INSR: variants seen among roughly 807,000 people sequenced by gnomAD.
INSR encodes IR.
A neutral mutation model predicts 142.6 loss-of-function variants in INSR; 67 were observed. The observed-to-expected ratio is 0.47, with a 90% CI of 0.39 to 0.58. INSR has a LOEUF of 0.58. INSR is among the 20% of genes least tolerant of loss of function. The probability of loss-of-function intolerance (pLI) is 0.00; values close to 1 mark genes in which losing one functional copy is unlikely to be tolerated. For synonymous variants in INSR, 756 were observed against 743.1 expected, an observed-to-expected ratio of 1.02 and a Z score of -0.28; for missense variants, 1,248 against 1,833.2, an observed-to-expected ratio of 0.68 and a Z score of 5.83.
At position 7,146,236 on chromosome 19, in the gene INSR, C is replaced by CTTTTT. The variant is rs35961932; in HGVS notation, c.2268-3151_2268-3147dup. On this transcript the variant is annotated intron_variant, in intron 11 of 21. Coordinates refer to ENST00000302850, the MANE Select transcript of INSR (RefSeq NM_000208.4). ...TTCAGTGCAGTATCTTTGTCAAGTT[C>CTTTTT]TTTTTTTTTTTTTTTTTTTTTTGAG... Among the ~76,000 whole-genome samples the CTTTTT allele has an allele frequency of 6.0e-4, 66 of 110,692 alleles. 1 individual carries two copies. Among genetic ancestry groups the CTTTTT allele is most frequent in the African/African-American group, 1.9e-3 (54 of 28,804 alleles). The allele number at this position is 110,692 out of a possible 152,430, so 72.6% of individuals were successfully genotyped here.
intron 2 of INSR, among the ~76,000 whole-genome samples, chr19:7,237,584 G>T (rs987696852): frequency 1.3e-5 from 2 of 152,070 alleles, no homozygotes; most frequent in Non-Finnish European, 2.9e-5. Context: ...GGAAGGCCGA[G>T]GCGGGTGGAT....
chr19:7,195,913 ACTTT>A (rs201790852), intron 2 of INSR, among the ~76,000 whole-genome samples: 5 of 143,936 alleles, frequency 3.5e-5, no homozygotes, highest in East Asian at 4.2e-4. Flanking sequence ...ATGTAAGAGA[ACTTT>A]CTTTCTTTTC....
intron 7 of INSR, among the ~76,000 whole-genome samples, chr19:7,167,611 T>C (rs768212354): frequency 6.1e-5 from 9 of 146,674 alleles, no homozygotes; most frequent in Non-Finnish European, 1.0e-4. Flanking sequence ...AAAAGAAAAA[T>C]AGATAAGCAA....
intron 3 of INSR, among the ~76,000 whole-genome samples, chr19:7,181,566 T>C (rs1974275948): frequency 6.6e-6 from 1 of 151,634 alleles, no homozygotes. Flanking sequence ...AGACCTTTTT[T>C]TTTTTTTTTT....
intron 9 of INSR, among the ~76,000 whole-genome samples, chr19:7,154,200 G>C (rs975624557): frequency 6.6e-6 from 1 of 150,836 alleles, no homozygotes; most frequent in Non-Finnish European, 1.5e-5. Context: ...TCTGTATCTA[G>C]AGTGTCATCT....
At chr19:7,257,475 G>A (rs1441164538) in intron 2 of INSR, among the ~76,000 whole-genome samples, 1 of 150,624 alleles carries the variant, frequency 6.6e-6, no homozygotes, top group Non-Finnish European at 1.5e-5. Context: ...AGGGTGGAGT[G>A]GGGGCCTTGC....
Position 7,294,006 on chromosome 19 carries a change from C to A in INSR, c.-115G>T. On this transcript the variant is annotated 5_prime_UTR_variant, in exon 1 of 22. Transcript: ENST00000302850. ...GGGGGCCGCGCGTCCTTCTCTTCCA[C>A]GCCCGCGACCCGCGGGCCGCAGCCC... 2.8e-6 allele frequency: 3 copies of A among 1,064,040 alleles called. No individual in the cohort carries two copies. Among genetic ancestry groups the A allele is most frequent in the Non-Finnish European group, 3.4e-6 (3 of 869,950 alleles). The allele number at this position is 1,064,040 out of a possible 1,614,324, so 65.9% of individuals were successfully genotyped here.
intron 2 of INSR, among the ~76,000 whole-genome samples, chr19:7,251,284 G>C (rs1352792553): frequency 6.6e-6 from 1 of 152,028 alleles, no homozygotes; most frequent in Non-Finnish European, 1.5e-5. Context: ...TTGAGCCAGG[G>C]TCTTGCTCTG....
intron 9 of INSR, among the ~76,000 whole-genome samples, chr19:7,156,783 T>G (rs1384898836): frequency 9.7e-4 from 3 of 3,092 alleles, no homozygotes; most frequent in Non-Finnish European, 2.7e-3. Context: ...TATTTCTCTC[T>G]TTTTTTTTTT....
intron 3 of INSR, among the ~76,000 whole-genome samples, chr19:7,182,921 A>C (rs555548660): frequency 5.7e-4 from 87 of 152,108 alleles, no homozygotes; most frequent in Middle Eastern, 3.4e-3. Context: ...AAAAAAAAAA[A>C]AAAACCTAAA....
intron 2 of INSR, among the ~76,000 whole-genome samples, chr19:7,186,583 C>A (rs746231901): frequency 1.3e-5 from 2 of 152,144 alleles, no homozygotes; most frequent in Non-Finnish European, 2.9e-5. Flanking sequence ...CCATCACCAC[C>A]ACCCATCTCC....
intron 4 of INSR, among the ~76,000 whole-genome samples, chr19:7,174,291 C>CTAAAAA (rs56082163): frequency 5.3e-5 from 8 of 149,964 alleles, no homozygotes; most frequent in East Asian, 3.9e-4. Flanking sequence ...GACCCCATCT[C>CTAAAAA]TAAAAATAAA....
intron 4 of INSR, among the ~76,000 whole-genome samples, chr19:7,174,364 G>A (rs1188906109): frequency 2.0e-5 from 3 of 152,116 alleles, no homozygotes; most frequent in South Asian, 4.1e-4. Context: ...AGTAGAAAAT[G>A]AGAATCTCAA....
chr19:7,213,341 C>CAAAAA (rs11343255), intron 2 of INSR, among the ~76,000 whole-genome samples: 9 of 100,614 alleles, frequency 8.9e-5, no homozygotes, highest in South Asian at 3.4e-4. Flanking sequence ...GACTCCATCT[C>CAAAAA]AAAAAAAAAA....
chr19:7,265,408 G>C (rs1967691831), intron 2 of INSR, among the ~76,000 whole-genome samples: 1 of 152,140 alleles, frequency 6.6e-6, no homozygotes, highest in African/African-American at 2.4e-5. Flanking sequence ...CACACAAACA[G>C]ATCTCAAGTA....
At chr19:7,151,156 T>TTC (rs1266762248) in intron 10 of INSR, among the ~76,000 whole-genome samples, 2,332 of 12,436 alleles carry the variant, frequency 0.19, 70 homozygotes, top group African/African-American at 0.22. Context: ...TTTCCTTTCT[T>TTC]TCTTTCTCTT....
rs182405495 is a variant in INSR, at chr19:7,141,348, C to T, written c.2682+329G>A. On this transcript the variant is annotated intron_variant, in intron 13 of 21. Coordinates refer to ENST00000302850, the MANE Select transcript of INSR (RefSeq NM_000208.4). ...TGGATTACAGGTGTGAGCCACTGTA[C>T]CCAGCAATTTATAAGGTTTTAAGAC... Among the ~76,000 whole-genome samples, 515 of 152,276 alleles carry T rather than the reference C, an allele frequency of 3.4e-3. 1 individual carries two copies. The highest frequency in any genetic ancestry group is 5.9e-3 in the Non-Finnish European group (398 of 68,026).
At chr19:7,260,993 TCCTCCCA>T (rs1977043477) in intron 2 of INSR, among the ~76,000 whole-genome samples, 1 of 151,692 alleles carries the variant, frequency 6.6e-6, no homozygotes, top group African/African-American at 2.4e-5. Flanking sequence ...GCCCATGCGA[TCCTCCCA>T]CCTCAGCCTT....
At chr19:7,213,984 T>C (rs970207030) in intron 2 of INSR, among the ~76,000 whole-genome samples, 3 of 140,932 alleles carry the variant, frequency 2.1e-5, no homozygotes, top group Non-Finnish European at 4.4e-5. Flanking sequence ...GGCAAGACTT[T>C]GTCTCAAAAA....
Sources: gnomAD v4.1 joint callset for allele counts (sites outside exome capture counted in the v4.1 genomes callset) on GRCh38, gnomAD v4.1.1 for gene constraint, MANE v1.5 for transcripts, NCBI Gene and HGNC (gene_info 2026-07-23, HGNC 2026-07-21) for gene names.